The following CCDC91 variants were observed in gnomAD, a reference collection of about 807,000 sequenced individuals.
The protein encoded by CCDC91 is coiled-coil domain-containing protein 91.
CCDC91 carries 48 observed loss-of-function variants against 63.2 expected under a neutral mutation model. The observed-to-expected ratio is 0.76, with a 90% CI of 0.60 to 0.97. The LOEUF is 0.97. Ranked by LOEUF, CCDC91 falls within the 50% of genes least tolerant of loss-of-function variation. The probability of loss-of-function intolerance (pLI) is 0.00; values close to 1 mark genes in which losing one functional copy is unlikely to be tolerated. For missense variants in CCDC91, 500 were observed against 494.6 expected, an observed-to-expected ratio of 1.01 and a Z score of -0.10; for synonymous variants, 167 against 165.8, an observed-to-expected ratio of 1.01 and a Z score of -0.06.
intron 7 of CCDC91, among the ~76,000 whole-genome samples, chr12:28,384,285 T>G (rs1945468653): frequency 6.6e-6 from 1 of 152,162 alleles, no homozygotes; most frequent in Non-Finnish European, 1.5e-5. Flanking sequence ...AGTAAGTATA[T>G]TTACAGTACT....
intron 12 of CCDC91, among the ~76,000 whole-genome samples, chr12:28,503,242 AAAAC>A (rs1376696356): frequency 7.2e-5 from 11 of 152,340 alleles, no homozygotes; most frequent in South Asian, 2.1e-4. Context: ...TACAAGAAAA[AAAAC>A]AAACAACCCC....
At chr12:28,304,510 T>A in intron 3 of CCDC91, 1 of 298,920 alleles carries the variant, frequency 3.3e-6, no homozygotes, top group Non-Finnish European at 6.2e-6. Flanking sequence ...AAAAATGCAA[T>A]ATTGCTACAT....
intron 1 of CCDC91, among the ~76,000 whole-genome samples, chr12:28,208,859 G>A (rs1943034159): frequency 6.6e-6 from 1 of 152,030 alleles, no homozygotes; most frequent in South Asian, 2.1e-4. Flanking sequence ...GGAGTGCAGT[G>A]GCATGATCTT....
At chr12:28,519,136 G>A (rs747386888) in intron 12 of CCDC91, among the ~76,000 whole-genome samples, 39 of 151,996 alleles carry the variant, frequency 2.6e-4, no homozygotes, top group Admixed American at 9.2e-4. Context: ...ATTGCTTTTG[G>A]CAGTATGATC....
At chr12:28,409,317 C>T (rs1947168842) in intron 8 of CCDC91, among the ~76,000 whole-genome samples, 1 of 151,874 alleles carries the variant, frequency 6.6e-6, no homozygotes, top group African/African-American at 2.4e-5. Flanking sequence ...ATGTATATAC[C>T]TGTTTATCTT....
At chr12:28,211,666 G>A (rs1336736316) in intron 1 of CCDC91, among the ~76,000 whole-genome samples, 1 of 152,090 alleles carries the variant, frequency 6.6e-6, no homozygotes, top group Non-Finnish European at 1.5e-5. Flanking sequence ...TAATGTGTAA[G>A]CTGGAAGGAA....
chr12:28,484,042 C>G lies in CCDC91; in HGVS notation c.1102-10C>G. Reference sequence around the variant, plus strand: ...ACCTCCCTGACTGTTTTGCCTTCTCCCACAAACAGGAAACTGTTAAGGCAG... The same window carrying G: ...ACCTCCCTGACTGTTTTGCCTTCTCGCACAAACAGGAAACTGTTAAGGCAG... On this transcript the variant is annotated splice_polypyrimidine_tract_variant and intron_variant, in intron 11 of 12. Coordinates refer to ENST00000536442, the MANE Select transcript of CCDC91 (RefSeq NM_018318.5). 1 of 1,590,528 alleles carries G rather than the reference C, an allele frequency of 6.3e-7. No individual in the cohort carries two copies. Among genetic ancestry groups the G allele is most frequent in the Non-Finnish European group, 8.6e-7 (1 of 1,162,822 alleles).
chr12:28,285,081 A>G (rs541831540), intron 3 of CCDC91, among the ~76,000 whole-genome samples: 20 of 152,346 alleles, frequency 1.3e-4, no homozygotes, highest in Non-Finnish European at 2.5e-4. Context: ...TGACAGGATA[A>G]TTTAGGCAAT....
At chr12:28,296,717 C>T (rs190850680) in intron 3 of CCDC91, among the ~76,000 whole-genome samples, 1 of 152,040 alleles carries the variant, frequency 6.6e-6, no homozygotes, top group East Asian at 1.9e-4. Flanking sequence ...TTTCTAAACA[C>T]TGACTTTCAC....
chr12:28,389,724 T>G (rs554783022), intron 7 of CCDC91, among the ~76,000 whole-genome samples: 39 of 152,268 alleles, frequency 2.6e-4, no homozygotes, highest in African/African-American at 8.9e-4. Context: ...CACAGTTCTT[T>G]CTGTTAAGCA....
At chr12:28,302,581 G>A (rs1592249983) in intron 3 of CCDC91, 5 of 927,694 alleles carry the variant, frequency 5.4e-6, no homozygotes, top group Admixed American at 6.2e-5. Flanking sequence ...CAGTAATATT[G>A]TGAGGTCACA....
At chr12:28,317,795 T>C (rs963234093) in intron 6 of CCDC91, among the ~76,000 whole-genome samples, 3 of 151,978 alleles carry the variant, frequency 2.0e-5, no homozygotes, top group Non-Finnish European at 4.4e-5. Flanking sequence ...CTGAAACATA[T>C]AACTTGTATT....
chr12:28,202,003 CGGGAGA>C (rs374392732), intron 1 of CCDC91, among the ~76,000 whole-genome samples: 2,867 of 152,030 alleles, frequency 0.019, 89 homozygotes, highest in African/African-American at 0.064. Context: ...GGCTCGGCAT[CGGGAGA>C]GGGAGAGGGA....
At chr12:28,219,236 A>G (rs1943769371) in intron 1 of CCDC91, among the ~76,000 whole-genome samples, 1 of 152,156 alleles carries the variant, frequency 6.6e-6, no homozygotes, top group South Asian at 2.1e-4. Flanking sequence ...AATTGAGATT[A>G]TTAGATCTTT....
At chr12:28,297,096 G>T (rs755800707) in intron 3 of CCDC91, among the ~76,000 whole-genome samples, 37 of 151,884 alleles carry the variant, frequency 2.4e-4, no homozygotes, top group Admixed American at 6.6e-5. Flanking sequence ...ACTATTTTCT[G>T]AGTTACAAGA....
At chr12:28,213,765 G>A (rs535526205) in intron 1 of CCDC91, among the ~76,000 whole-genome samples, 3 of 152,312 alleles carry the variant, frequency 2.0e-5, no homozygotes, top group East Asian at 1.9e-4. Flanking sequence ...AAAGAAATGT[G>A]GCAGTGGGCC....
At chr12:28,238,956 CA>C (rs1024168951) in intron 1 of CCDC91, among the ~76,000 whole-genome samples, 8 of 151,714 alleles carry the variant, frequency 5.3e-5, no homozygotes, top group Admixed American at 5.3e-4. Context: ...CCCATCTCTA[CA>C]AAAGTACAAA....
chr12:28,454,881 G>C (rs1050117112), intron 11 of CCDC91, among the ~76,000 whole-genome samples: 12 of 151,954 alleles, frequency 7.9e-5, no homozygotes, highest in African/African-American at 2.9e-4. Context: ...CAGGGTGAAG[G>C]ACCCTTTCAG....
At chr12:28,315,141 A>C (rs1388717212) in intron 6 of CCDC91, among the ~76,000 whole-genome samples, 2 of 141,732 alleles carry the variant, frequency 1.4e-5, no homozygotes, top group Non-Finnish European at 3.1e-5. Flanking sequence ...TATTTTACTT[A>C]ATGTGTCAGT....
Sources: allele counts gnomAD v4.1 joint callset (sites outside exome capture counted in the v4.1 genomes callset), GRCh38; gene constraint gnomAD v4.1.1; transcripts MANE v1.5; gene names NCBI Gene and HGNC (gene_info 2026-07-23, HGNC 2026-07-21).